EYS: variants seen among roughly 807,000 people sequenced by gnomAD.
EYS encodes the protein EGF-like photoreceptor maintenance factor, also known as protein eyes shut homolog.
A neutral mutation model predicts 282.1 loss-of-function variants in EYS; 250 were observed. The observed-to-expected ratio is 0.89, with a 90% CI of 0.80 to 0.98. The LOEUF is 0.98. Ranked by LOEUF, EYS falls within the 50% of genes least tolerant of loss-of-function variation. The probability of loss-of-function intolerance (pLI) is 0.00; values close to 1 mark genes in which losing one functional copy is unlikely to be tolerated. For synonymous variants in EYS, 1,355 were observed against 1,282.9 expected (o/e 1.06, Z -1.20); for missense variants, 4,016 against 3,709.0 (o/e 1.08, Z -2.15).
intron 30 of EYS, among the ~76,000 whole-genome samples, chr6:64,252,995 C>A (rs150104519): frequency 6.8e-4 from 103 of 152,100 alleles, no homozygotes; most frequent in African/African-American, 2.4e-3. Context: ...TGTGTTAGAG[C>A]CTTTAACATA....
intron 28 of EYS, among the ~76,000 whole-genome samples, chr6:64,427,964 T>C (rs1774460064): frequency 6.6e-6 from 1 of 152,126 alleles, no homozygotes; most frequent in Non-Finnish European, 1.5e-5. Flanking sequence ...CTTTCAACAT[T>C]TGAATTTTCT....
intron 2 of EYS, among the ~76,000 whole-genome samples, chr6:65,553,485 A>G (rs746107541): frequency 5.9e-5 from 9 of 152,196 alleles, no homozygotes; most frequent in Non-Finnish European, 1.3e-4. Context: ...AAACGAGCAC[A>G]GAGAATTCAA....
chr6:64,826,343 G>A (rs538949095), intron 19 of EYS, among the ~76,000 whole-genome samples: 148 of 151,928 alleles, frequency 9.7e-4, no homozygotes, highest in Non-Finnish European at 1.5e-3. Flanking sequence ...TGGAGCTACA[G>A]CAATAGTTTA....
intron 22 of EYS, among the ~76,000 whole-genome samples, chr6:64,747,926 G>A (rs1772610775): frequency 6.6e-6 from 1 of 152,168 alleles, no homozygotes; most frequent in Non-Finnish European, 1.5e-5. Context: ...CTGTTTTTAT[G>A]TCTGCTGATG....
intron 19 of EYS, among the ~76,000 whole-genome samples, chr6:64,864,477 C>A (rs1482156358): frequency 1.4e-5 from 2 of 146,262 alleles, no homozygotes; most frequent in Non-Finnish European, 3.0e-5. Flanking sequence ...CCTCCAACTC[C>A]CTGGTTCAAG....
intron 26 of EYS, among the ~76,000 whole-genome samples, chr6:64,485,233 G>A (rs941152496): frequency 1.3e-5 from 2 of 151,560 alleles, no homozygotes; most frequent in Non-Finnish European, 3.0e-5. Flanking sequence ...GAAGAACAGG[G>A]AAATGTTAGA....
chr6:64,277,826 C>CA (rs1385758987), intron 30 of EYS, among the ~76,000 whole-genome samples: 1 of 152,078 alleles, frequency 6.6e-6, no homozygotes, highest in African/African-American at 2.4e-5. Flanking sequence ...AAATTCTGAG[C>CA]AAATAGCATC....
chr6:64,533,941 G>GA (rs1764434676), intron 26 of EYS, among the ~76,000 whole-genome samples: 1 of 151,818 alleles, frequency 6.6e-6, no homozygotes, highest in Non-Finnish European at 1.5e-5. Context: ...TAAAATATGT[G>GA]ACAAGAGGAC....
At chr6:65,124,027 T>G (rs904052843) in intron 12 of EYS, among the ~76,000 whole-genome samples, 3 of 151,728 alleles carry the variant, frequency 2.0e-5, no homozygotes, top group Admixed American at 2.0e-4. Context: ...AGACAAAAAT[T>G]GGCAGGGCTG....
chr6:64,910,277 A>C (rs1349296447), intron 16 of EYS, among the ~76,000 whole-genome samples: 1 of 152,166 alleles, frequency 6.6e-6, no homozygotes, highest in Admixed American at 6.5e-5. Context: ...ACCTATTTTA[A>C]ATAAAGCTAT....
intron 33 of EYS, among the ~76,000 whole-genome samples, chr6:64,039,947 T>C (rs1770305799): frequency 6.6e-6 from 1 of 152,188 alleles, no homozygotes; most frequent in Non-Finnish European, 1.5e-5. Context: ...CCACATTGCA[T>C]ACTTAAATAT....
At chr6:64,241,324 A>G (rs1439271321) in intron 30 of EYS, among the ~76,000 whole-genome samples, 1 of 152,158 alleles carries the variant, frequency 6.6e-6, no homozygotes, top group Non-Finnish European at 1.5e-5. Flanking sequence ...GAATGGTACC[A>G]GCACCTCTTT....
At chr6:64,731,906 C>A (rs1040991315) in intron 22 of EYS, among the ~76,000 whole-genome samples, 2 of 152,004 alleles carry the variant, frequency 1.3e-5, no homozygotes, top group Non-Finnish European at 2.9e-5. Context: ...TATATGGAAC[C>A]AAATCAAATG....
chr6:64,296,587 T>C (rs868708853), intron 30 of EYS, among the ~76,000 whole-genome samples: 183 of 3,450 alleles, frequency 0.053, no homozygotes, highest in African/African-American at 0.071. Context: ...TATATATACA[T>C]ATATATATAT....
intron 22 of EYS, among the ~76,000 whole-genome samples, chr6:64,642,244 C>G (rs990565390): frequency 6.6e-6 from 1 of 152,120 alleles, no homozygotes; most frequent in African/African-American, 2.4e-5. Context: ...TGAATTATAA[C>G]ATTTTTGTTT....
chr6:64,307,143 A>G (rs1040452384), intron 29 of EYS, 61 bp from the exon 30 acceptor site: 9 of 899,810 alleles, frequency 1.0e-5, no homozygotes, highest in South Asian at 1.5e-5. Flanking sequence ...TGAATATATT[A>G]TTCTTGCTTC....
At chr6:64,040,922 T>C (rs1770360823) in intron 33 of EYS, among the ~76,000 whole-genome samples, 2 of 152,194 alleles carry the variant, frequency 1.3e-5, no homozygotes, top group Admixed American at 1.3e-4. Context: ...CAACCTGTGT[T>C]TAAATAGAGG....
Position 64,813,602 on chromosome 6 carries a change from A to G in EYS, c.3244-25T>C. The G allele has an allele frequency of 2.1e-6, 3 of 1,441,742 alleles. No homozygotes were observed. The South Asian group carries it at 3.9e-5, about 19-fold the overall frequency. The allele number at this position is 1,441,742 out of a possible 1,614,324, so 89.3% of individuals were successfully genotyped here. ...CCTAGATTAAGAAATAGAGAATCAA[A>G]TTTGATTATTAGTATAAGGTTGACC... is the stretch of plus-strand genomic sequence containing the variant. On this transcript the variant is annotated intron_variant, in intron 21 of 42. Coordinates refer to ENST00000503581, the MANE Select transcript of EYS (RefSeq NM_001142800.2).
intron 9 of EYS, among the ~76,000 whole-genome samples, chr6:65,349,083 T>C (rs1770504565): frequency 1.3e-5 from 2 of 151,624 alleles, no homozygotes; most frequent in Non-Finnish European, 3.0e-5. Context: ...AGTTGTTCCA[T>C]GTTAATTATT....
Sources: gnomAD v4.1 joint callset for allele counts (sites outside exome capture counted in the v4.1 genomes callset) on GRCh38, gnomAD v4.1.1 for gene constraint, MANE v1.5 for transcripts, NCBI Gene and HGNC (gene_info 2026-07-23, HGNC 2026-07-21) for gene names.